ATP2B1: variants seen among roughly 807,000 people sequenced by gnomAD.
ATP2B1 encodes ATPase plasma membrane Ca2+ transporting 1.
In ATP2B1, 14 loss-of-function variants were observed where a neutral mutation model predicts 124.2. The ratio of observed to expected loss-of-function variants is 0.11; its 90% CI spans 0.07 to 0.18. The LOEUF is 0.18. ATP2B1 is among the 10% of genes least tolerant of loss of function. ATP2B1 has a pLI of 1.00. For missense variants in ATP2B1, 763 were observed against 1,466.1 expected (o/e 0.52, Z 7.83); for synonymous variants, 449 against 492.4 (o/e 0.91, Z 1.17).
At chr12:89,615,609 G>C (rs955361528) in intron 12 of ATP2B1, among the ~76,000 whole-genome samples, 1 of 152,134 alleles carries the variant, frequency 6.6e-6, no homozygotes, top group Non-Finnish European at 1.5e-5. Flanking sequence ...TTCTGTTAGT[G>C]CTTTTATTTA....
chr12:89,608,157 T>A (rs1421859381), intron 15 of ATP2B1, among the ~76,000 whole-genome samples: 1 of 152,166 alleles, frequency 6.6e-6, no homozygotes, highest in Non-Finnish European at 1.5e-5. Context: ...AGTTTCTCTA[T>A]GTTTTTAAAC....
At chr12:89,698,362 G>A (rs1891418258) in intron 1 of ATP2B1, among the ~76,000 whole-genome samples, 1 of 152,162 alleles carries the variant, frequency 6.6e-6, no homozygotes, top group South Asian at 2.1e-4. Context: ...ATTATGGTGA[G>A]TGAATGTCAG....
At chr12:89,693,508 T>C (rs1434013377) in intron 1 of ATP2B1, among the ~76,000 whole-genome samples, 1 of 152,230 alleles carries the variant, frequency 6.6e-6, no homozygotes, top group Non-Finnish European at 1.5e-5. Flanking sequence ...CTAGTTTGGA[T>C]GAGGACATTC....
intron 2 of ATP2B1, among the ~76,000 whole-genome samples, chr12:89,650,722 G>C (rs1885132719): frequency 6.6e-6 from 1 of 152,002 alleles, no homozygotes; most frequent in Non-Finnish European, 1.5e-5. Context: ...GTAGAACTCT[G>C]AATAACAAAC....
At chr12:89,694,588 T>C (rs1187497415) in intron 1 of ATP2B1, among the ~76,000 whole-genome samples, 1 of 152,162 alleles carries the variant, frequency 6.6e-6, no homozygotes, top group African/African-American at 2.4e-5. Flanking sequence ...AATTTAAATC[T>C]AGGGCCACAG....
chr12:89,655,792 G>A lies in ATP2B1; in HGVS notation c.95C>T (p.Ala32Val), dbSNP rs781505973. 1 of 1,614,042 alleles carries A rather than the reference G, an allele frequency of 6.2e-7. No individual in the cohort carries two copies. The highest frequency in any genetic ancestry group is 1.3e-5 in the African/African-American group (1 of 74,918). ...NHDGDFGITL[A>V]ELRALMELRS... is the part of the protein sequence containing the mutation. ...GAGCTCCATGAGAGCCCGCAGCTCT[G>A]CGAGCGTAATTCCAAAGTCTCCATC... The change falls in exon 2 of 21, where the codon GCA becomes GTA. Residue 32 changes from alanine (A) to valine (V), a missense_variant. Physicochemically the swap from Ala to Val is moderately conservative, Grantham distance 64 (BLOSUM62 0). Around this residue, in one of 7 missense-constraint regions of ATP2B1, gnomAD observed 93 missense variants for 112.7 expected, o/e 0.83. Transcript: ENST00000428670.
chr12:89,665,075 C>T (rs1473765249), intron 1 of ATP2B1, among the ~76,000 whole-genome samples: 4 of 152,080 alleles, frequency 2.6e-5, no homozygotes, highest in East Asian at 1.9e-4. Flanking sequence ...GTGATCTGCC[C>T]GCCTCGGCCT....
intron 1 of ATP2B1, among the ~76,000 whole-genome samples, chr12:89,671,527 A>T (rs1401983): frequency 6.6e-6 from 1 of 152,118 alleles, no homozygotes; most frequent in African/African-American, 2.4e-5. Context: ...CCTTTCGCCT[A>T]ATCTTCCCAA....
intron 1 of ATP2B1, among the ~76,000 whole-genome samples, chr12:89,688,989 GATTC>G (rs1308924548): frequency 6.6e-6 from 1 of 152,034 alleles, no homozygotes; most frequent in Admixed American, 6.6e-5. Flanking sequence ...TTGTTATTTA[GATTC>G]ATTATCAAAT....
intron 10 of ATP2B1, among the ~76,000 whole-genome samples, chr12:89,620,893 A>G (rs946716944): frequency 6.6e-6 from 1 of 152,128 alleles, no homozygotes; most frequent in African/African-American, 2.4e-5. Context: ...TAATCATCCA[A>G]TTCATGTATG....
chr12:89,641,154 T>C (rs572461317), intron 3 of ATP2B1, among the ~76,000 whole-genome samples: 15 of 152,332 alleles, frequency 9.8e-5, no homozygotes, highest in Non-Finnish European at 1.9e-4. Context: ...CCAAAATGCA[T>C]GCTAGATTTC....
In ATP2B1 at chr12:89,635,037, T is replaced by G; in HGVS notation, c.621A>C (p.Val207=). Residue 207 remains valine, a synonymous_variant, in exon 4 of 21, where the codon GTA becomes GTC. Transcript: ENST00000428670. ...CAATATCTCCAACAGTAATGTCAGCTACAGGTATCTGAATGACCTGACCAC... is the reference window on the plus strand; with the variant it reads ...CAATATCTCCAACAGTAATGTCAGCGACAGGTATCTGAATGACCTGACCAC... The part of the protein sequence containing the change: ...IRGGQVIQIP[V]ADITVGDIAQ... 1 of 1,614,028 alleles carries G rather than the reference T, an allele frequency of 6.2e-7. No individual in the cohort carries two copies. Among genetic ancestry groups the G allele is most frequent in the Non-Finnish European group, 8.5e-7 (1 of 1,179,896 alleles).
chr12:89,707,107 C>T (rs937855142), intron 1 of ATP2B1, among the ~76,000 whole-genome samples: 3 of 152,012 alleles, frequency 2.0e-5, no homozygotes, highest in Admixed American at 6.5e-5. Context: ...CCAAATGAAA[C>T]GCACAAGTAC....
At chr12:89,674,078 C>G (rs1888323888) in intron 1 of ATP2B1, among the ~76,000 whole-genome samples, 1 of 152,060 alleles carries the variant, frequency 6.6e-6, no homozygotes, top group African/African-American at 2.4e-5. Context: ...ATAGTATTTC[C>G]TCATTCAAGG....
At chr12:89,643,091 C>CAT (rs1555201614) in intron 2 of ATP2B1, among the ~76,000 whole-genome samples, 36 of 146,718 alleles carry the variant, frequency 2.5e-4, no homozygotes, top group South Asian at 4.3e-4. Flanking sequence ...CACACACACA[C>CAT]ATATATACAT....
chr12:89,665,785 T>C (rs1336987030), intron 1 of ATP2B1, among the ~76,000 whole-genome samples: 1 of 152,228 alleles, frequency 6.6e-6, no homozygotes, highest in East Asian at 1.9e-4. Flanking sequence ...ACTCAGTTCT[T>C]AAGAGCTTCT....
intron 2 of ATP2B1, among the ~76,000 whole-genome samples, chr12:89,645,455 T>C (rs1244770977): frequency 2.0e-5 from 3 of 152,014 alleles, no homozygotes; most frequent in Non-Finnish European, 4.4e-5. Context: ...ATCCTGGAGG[T>C]AGACAGTAGA....
In ATP2B1 at chr12:89,681,381, A is replaced by ATTT. The variant is rs201477706; in HGVS notation, c.-221-25275_-221-25274insAAA. Among the ~76,000 whole-genome samples, 26 of 142,056 alleles carry ATTT rather than the reference A, an allele frequency of 1.8e-4. 5 individuals are homozygous for ATTT. The highest frequency in any genetic ancestry group is 2.3e-4 in the Non-Finnish European group (15 of 65,158). The allele number at this position is 142,056 out of a possible 152,430, so 93.2% of individuals were successfully genotyped here. A position where few individuals can be genotyped will look rare whatever the true frequency, so the allele number is the denominator to read the frequency against. On this transcript the variant is annotated intron_variant, in intron 1 of 20. Coordinates refer to ENST00000428670, the MANE Select transcript of ATP2B1 (RefSeq NM_001366521.1). Reference sequence around the variant, plus strand: ...AATGTTGCAAAGAAAAATCCCTATAAATTTTTTTTTTTTTTTTGAGACACA... The same window carrying ATTT: ...AATGTTGCAAAGAAAAATCCCTATAATTTATTTTTTTTTTTTTTTTGAGACACA...
intron 1 of ATP2B1, among the ~76,000 whole-genome samples, chr12:89,706,357 ATC>A (rs1393128843): frequency 6.6e-6 from 1 of 151,902 alleles, no homozygotes; most frequent in African/African-American, 2.4e-5. Flanking sequence ...TTATTTTAGA[ATC>A]TGTTAATAGG....
Sources: allele counts gnomAD v4.1 joint callset (sites outside exome capture counted in the v4.1 genomes callset), GRCh38; gene constraint gnomAD v4.1.1; regional missense constraint gnomAD v4.1.1; transcripts MANE v1.5; gene names NCBI Gene and HGNC (gene_info 2026-07-23, HGNC 2026-07-21).